Variants in MYO16 observed in about 807,000 individuals in gnomAD.
MYO16 encodes the protein myosin XVI.
In MYO16, 94 loss-of-function variants were observed where a neutral mutation model predicts 205.3. That is an observed-to-expected ratio of 0.46 (90% CI 0.39 to 0.54). The LOEUF (loss-of-function observed/expected upper bound fraction) is 0.54. Ranked by LOEUF, MYO16 falls within the 20% of genes least tolerant of loss-of-function variation. The probability of loss-of-function intolerance (pLI) is 0.00; values close to 1 mark genes in which losing one functional copy is unlikely to be tolerated. For missense variants in MYO16, 2,315 were observed against 2,387.5 expected, an observed-to-expected ratio of 0.97 and a Z score of 0.63; for synonymous variants, 988 against 954.0, an observed-to-expected ratio of 1.04 and a Z score of -0.66.
chr13:108,861,797 C>A (rs1878461991), intron 11 of MYO16, among the ~76,000 whole-genome samples: 2 of 151,946 alleles, frequency 1.3e-5, no homozygotes, highest in Admixed American at 6.6e-5. Flanking sequence ...ATTGGGTTTT[C>A]TTTCTTCTTC....
chr13:108,652,312 C>T (rs76253350), intron 1 of MYO16, among the ~76,000 whole-genome samples: 6,850 of 152,292 alleles, frequency 0.045, 184 homozygotes, highest in South Asian at 0.13. Flanking sequence ...AAGTTTGTGA[C>T]TACATTATTT....
At chr13:108,732,213 C>T (rs1884545879) in intron 4 of MYO16, among the ~76,000 whole-genome samples, 1 of 152,272 alleles carries the variant, frequency 6.6e-6, no homozygotes, top group Non-Finnish European at 1.5e-5. Context: ...AGAGACTGTG[C>T]AGCATTGATT....
chr13:109,095,618 T>C (rs1268561736), intron 27 of MYO16, among the ~76,000 whole-genome samples: 1 of 152,240 alleles, frequency 6.6e-6, no homozygotes, highest in Non-Finnish European at 1.5e-5. Context: ...ATCAGGTGCA[T>C]GATTTTTCAT....
chr13:108,497,117 A>G, the MYO16 span, among the ~76,000 whole-genome samples: 2 of 152,278 alleles, frequency 1.3e-5, no homozygotes, highest in African/African-American at 4.8e-5. Context: ...AATCTAGAGG[A>G]AGAACAAGGG....
chr13:108,658,991 C>A (rs953654191), intron 1 of MYO16, among the ~76,000 whole-genome samples: 2 of 151,322 alleles, frequency 1.3e-5, no homozygotes, highest in Admixed American at 1.3e-4. Context: ...ACCATGGCCA[C>A]AGGAAGATTT....
intron 27 of MYO16, among the ~76,000 whole-genome samples, chr13:109,075,087 AC>A (rs1277209252): frequency 1.3e-5 from 2 of 152,142 alleles, no homozygotes; most frequent in African/African-American, 4.8e-5. Flanking sequence ...ATATTTACAC[AC>A]CCATTGATAG....
the MYO16 span, among the ~76,000 whole-genome samples, chr13:108,567,845 A>G: frequency 6.6e-6 from 1 of 152,136 alleles, no homozygotes; most frequent in Non-Finnish European, 1.5e-5. Flanking sequence ...ATTAACAGTT[A>G]CTTCCTATTT....
At chr13:108,942,452 G>A (rs575227840) in intron 16 of MYO16, among the ~76,000 whole-genome samples, 1 of 152,220 alleles carries the variant, frequency 6.6e-6, no homozygotes, top group Admixed American at 6.5e-5. Context: ...CACACAGAGA[G>A]TTTCTGATCA....
rs1177754621 is a variant in MYO16 at position 109,013,108 on chromosome 13, TC to T, written c.2595+4064del. ...TAGGTATTTCTCCTAATGCTACCCC[TC>T]CCCCACCCCCCCCCACCCCACCACA... is the stretch of plus-strand genomic sequence containing the variant. On this transcript the variant is annotated intron_variant, in intron 22 of 34. Coordinates refer to ENST00000457511, the MANE Select transcript of MYO16 (RefSeq NM_001198950.3). Among the ~76,000 whole-genome samples the T allele has an allele frequency of 1.2e-4, 4 of 32,612 alleles. 1 individual carries two copies. Among genetic ancestry groups the T allele is most frequent in the Non-Finnish European group, 2.4e-4 (4 of 17,002 alleles). The allele number at this position is 32,612 out of a possible 152,430, so 21.4% of individuals were successfully genotyped here. A position where few individuals can be genotyped will look rare whatever the true frequency, so the allele number is the denominator to read the frequency against.
chr13:108,630,657 A>G (rs956466374), intron 1 of MYO16, among the ~76,000 whole-genome samples: 1 of 152,222 alleles, frequency 6.6e-6, no homozygotes, highest in Non-Finnish European at 1.5e-5. Flanking sequence ...ATATATCATG[A>G]TCTTAAAGTG....
At chr13:108,767,371 G>C (rs34352192) in intron 4 of MYO16, among the ~76,000 whole-genome samples, 12,049 of 152,154 alleles carry the variant, frequency 0.079, 613 homozygotes, top group Non-Finnish European at 0.12. Context: ...CAAAGTGCTG[G>C]GATTACAGGC....
chr13:108,506,589 C>T, the MYO16 span, among the ~76,000 whole-genome samples: 1 of 151,706 alleles, frequency 6.6e-6, no homozygotes, highest in Non-Finnish European at 1.5e-5. Context: ...TGTGTGTGTG[C>T]ATAGTCCAGA....
intron 4 of MYO16, among the ~76,000 whole-genome samples, chr13:108,738,485 C>T (rs1884784525): frequency 6.6e-6 from 1 of 152,306 alleles, no homozygotes; most frequent in Middle Eastern, 3.4e-3. Flanking sequence ...AGTTTGATTG[C>T]ACTGTGGTCT....
chr13:109,045,018 T>C (rs2139588599), intron 23 of MYO16, among the ~76,000 whole-genome samples: 1 of 152,312 alleles, frequency 6.6e-6, no homozygotes, highest in African/African-American at 2.4e-5. Context: ...TACATCACAA[T>C]ATTAACAGTG....
At chr13:108,538,983 T>C in the MYO16 span, among the ~76,000 whole-genome samples, 1 of 152,128 alleles carries the variant, frequency 6.6e-6, no homozygotes, top group East Asian at 1.9e-4. Context: ...CTCAGTCTAA[T>C]CTATTGCATT....
chr13:108,901,491 G>A (rs1370692813), intron 15 of MYO16, among the ~76,000 whole-genome samples: 1 of 152,180 alleles, frequency 6.6e-6, no homozygotes, highest in Non-Finnish European at 1.5e-5. Context: ...TCACCTGATA[G>A]TTCAAGGCCC....
upstream of MYO16, among the ~76,000 whole-genome samples, chr13:108,595,590 C>G (rs1041447325): frequency 3.3e-5 from 5 of 152,172 alleles, no homozygotes; most frequent in African/African-American, 9.7e-5. Flanking sequence ...TCAAGTCCCT[C>G]TTGGCTCTCT....
At chr13:108,810,634 AT>A (rs1317051058) in intron 7 of MYO16, among the ~76,000 whole-genome samples, 1 of 150,522 alleles carries the variant, frequency 6.6e-6, no homozygotes, top group Non-Finnish European at 1.5e-5. Context: ...GTTTATTTGA[AT>A]ATCAATTTAT....
At chr13:108,770,087 G>A (rs1037025478) in intron 4 of MYO16, among the ~76,000 whole-genome samples, 13 of 152,072 alleles carry the variant, frequency 8.5e-5, no homozygotes, top group Admixed American at 3.9e-4. Flanking sequence ...CTAGTGACAC[G>A]GGAAAGAAAA....
Sources: gnomAD v4.1 joint callset for allele counts (sites outside exome capture counted in the v4.1 genomes callset) on GRCh38, gnomAD v4.1.1 for gene constraint, MANE v1.5 for transcripts, NCBI Gene and HGNC (gene_info 2026-07-23, HGNC 2026-07-21) for gene names.